Variants in AFG1L observed in about 807,000 individuals in gnomAD.
AFG1L encodes the protein AFG1 like ATPase, also known as AFG1-like ATPase.
In AFG1L, 53 loss-of-function variants were observed where a neutral mutation model predicts 62.2. That is an observed-to-expected ratio of 0.85 (90% CI 0.68 to 1.07). The LOEUF is 1.07. AFG1L is among the 50% of genes least tolerant of loss of function. AFG1L has a pLI of 0.00. For missense variants in AFG1L, 555 were observed against 590.5 expected, an observed-to-expected ratio of 0.94 and a Z score of 0.62; for synonymous variants, 228 against 210.3, an observed-to-expected ratio of 1.08 and a Z score of -0.73.
chr6:108,301,250 C>G lies in AFG1L; in HGVS notation c.139+6032C>G, dbSNP rs1776987997. On this transcript the variant is annotated intron_variant, in intron 1 of 12. Coordinates refer to ENST00000368977, the MANE Select transcript of AFG1L (RefSeq NM_145315.5). ...TTTATGACTTGTATCTTGTGCCAAC[C>G]TCCTATCTCATCCTGTGACTAATAA... is the stretch of plus-strand genomic sequence containing the variant. Among the ~76,000 whole-genome samples the G allele has an allele frequency of 2.6e-5, 4 of 152,224 alleles. No individual in the cohort carries two copies. In the South Asian group the frequency reaches 8.3e-4, roughly 32 times the overall value.
intron 8 of AFG1L, among the ~76,000 whole-genome samples, chr6:108,473,448 T>C (rs1289933919): frequency 1.3e-5 from 2 of 152,250 alleles, no homozygotes; most frequent in Admixed American, 1.3e-4. Flanking sequence ...TGTTGAGTAA[T>C]GTGCCTGTCC....
At chr6:108,379,194 A>G (rs1195013539) in intron 6 of AFG1L, among the ~76,000 whole-genome samples, 1 of 151,790 alleles carries the variant, frequency 6.6e-6, no homozygotes. Flanking sequence ...TATTTTTAGT[A>G]GAGACAGGGT....
chr6:108,335,745 A>T (rs1436368377), intron 2 of AFG1L, among the ~76,000 whole-genome samples: 1 of 152,238 alleles, frequency 6.6e-6, no homozygotes, highest in Admixed American at 6.5e-5. Context: ...ATCAGGTAGG[A>T]GCAAAGTGAA....
chr6:108,359,268 G>A lies in AFG1L; in HGVS notation c.648+2448G>A, dbSNP rs536186176. 5 of 152,200 alleles carry A rather than the reference G, an allele frequency of 3.3e-5. No homozygotes were observed. In the East Asian group the frequency reaches 7.7e-4, roughly 23 times the overall value. 9.4% of individuals were successfully genotyped at this position (152,200 alleles called of 1,614,324 possible). A position where few individuals can be genotyped will look rare whatever the true frequency, so the allele number is the denominator to read the frequency against. On this transcript the variant is annotated intron_variant, in intron 5 of 12. Transcript: ENST00000368977. The stretch of plus-strand genomic sequence containing the variant: ...ACATACGCCATTGGGTTTAGATTTC[G>A]AAAGGTTGATATATAACTAGAAAGA...
chr6:108,398,814 G>A (rs960401039), intron 6 of AFG1L, among the ~76,000 whole-genome samples: 10 of 152,110 alleles, frequency 6.6e-5, no homozygotes, highest in Admixed American at 3.3e-4. Context: ...CTATGTGTCT[G>A]TTTTTGTGCC....
At chr6:108,358,400 A>G (rs550128178) in intron 5 of AFG1L, among the ~76,000 whole-genome samples, 1 of 152,384 alleles carries the variant, frequency 6.6e-6, no homozygotes, top group South Asian at 2.1e-4. Context: ...TCTGCAAAAT[A>G]GTTGATATCT....
intron 1 of AFG1L, among the ~76,000 whole-genome samples, chr6:108,302,815 T>A (rs1429804609): frequency 6.6e-6 from 1 of 152,204 alleles, no homozygotes; most frequent in Non-Finnish European, 1.5e-5. Flanking sequence ...TGCCGTAAGT[T>A]AAGATACTCA....
Position 108,478,895 on chromosome 6 carries a change from C to CG in AFG1L, c.1062+1608dup, listed in dbSNP as rs148447223. ...CAAAATCTTCAGTTTATTTACTGTC[C>CG]GGGGGTGATGGGGAAGAAGATTGAT... On this transcript the variant is annotated intron_variant, in intron 10 of 12. Transcript: ENST00000368977. Among the ~76,000 whole-genome samples, 670 of 152,018 alleles carry CG rather than the reference C, an allele frequency of 4.4e-3. 4 individuals are homozygous for CG. Among genetic ancestry groups the CG allele is most frequent in the Non-Finnish European group, 7.9e-3 (540 of 67,972 alleles).
intron 7 of AFG1L, among the ~76,000 whole-genome samples, chr6:108,408,262 G>A (rs1781953646): frequency 1.3e-5 from 2 of 151,936 alleles, no homozygotes; most frequent in African/African-American, 4.8e-5. Context: ...AGCCCTTCTA[G>A]GTGTTAGGTT....
chr6:108,471,529 T>G (rs1246451721), intron 8 of AFG1L, among the ~76,000 whole-genome samples: 1 of 148,412 alleles, frequency 6.7e-6, no homozygotes, highest in African/African-American at 2.5e-5. Context: ...GGCATGATCT[T>G]GACTCACTAC....
intron 10 of AFG1L, among the ~76,000 whole-genome samples, chr6:108,481,760 G>A (rs1198511240): frequency 2.6e-5 from 4 of 152,360 alleles, no homozygotes; most frequent in South Asian, 2.1e-4. Flanking sequence ...TATCAAATAT[G>A]AAGGCTGTCC....
At chr6:108,500,650 C>T (rs1344608669) in intron 10 of AFG1L, among the ~76,000 whole-genome samples, 2 of 152,202 alleles carry the variant, frequency 1.3e-5, no homozygotes, top group African/African-American at 4.8e-5. Context: ...GTCTTTTGCA[C>T]TACCCTTTGG....
chr6:108,295,910 A>T (rs1716213681), intron 1 of AFG1L: 1 of 152,200 alleles, frequency 6.6e-6, no homozygotes, highest in South Asian at 2.1e-4. Context: ...TTTCCTAAGC[A>T]CTTAGCGCAA....
At chr6:108,352,757 GATTTTGCCAT>G (rs1335072815) in intron 3 of AFG1L, among the ~76,000 whole-genome samples, 1 of 151,896 alleles carries the variant, frequency 6.6e-6, no homozygotes, top group Non-Finnish European at 1.5e-5. Context: ...GTGGAGATGG[GATTTTGCCAT>G]ATCACCCGGG....
intron 1 of AFG1L, 151 bp from the exon 2 acceptor site, chr6:108,323,674 A>G (rs974815121): frequency 3.5e-5 from 21 of 604,808 alleles, no homozygotes; most frequent in African/African-American, 3.2e-4. Flanking sequence ...AATGTATTTT[A>G]TATTATTTTT....
At chr6:108,434,123 T>C (rs1771202064) in intron 7 of AFG1L, among the ~76,000 whole-genome samples, 1 of 152,220 alleles carries the variant, frequency 6.6e-6, no homozygotes, top group Non-Finnish European at 1.5e-5. Flanking sequence ...TGAATATTTA[T>C]GAATGTGGTT....
intron 1 of AFG1L, among the ~76,000 whole-genome samples, chr6:108,322,374 CT>C (rs1339774535): frequency 6.6e-6 from 1 of 152,132 alleles, no homozygotes; most frequent in Non-Finnish European, 1.5e-5. Context: ...TACACTTTCA[CT>C]CCAGTTAGAG....
intron 10 of AFG1L, among the ~76,000 whole-genome samples, chr6:108,482,820 A>T (rs1021668111): frequency 6.6e-6 from 1 of 151,816 alleles, no homozygotes; most frequent in Non-Finnish European, 1.5e-5. Context: ...CATGTCAAGG[A>T]TTCATACTGT....
At chr6:108,299,354 T>C (rs905895117) in intron 1 of AFG1L, among the ~76,000 whole-genome samples, 2 of 151,944 alleles carry the variant, frequency 1.3e-5, no homozygotes, top group Admixed American at 6.6e-5. Flanking sequence ...AGGTTTCCTA[T>C]TGCAGGTGAA....
Sources: allele counts gnomAD v4.1 joint callset (sites outside exome capture counted in the v4.1 genomes callset), GRCh38; gene constraint gnomAD v4.1.1; transcripts MANE v1.5; gene names NCBI Gene and HGNC (gene_info 2026-07-23, HGNC 2026-07-21).